SASH1: variants seen among roughly 807,000 people sequenced by gnomAD.
The protein encoded by SASH1 is SAM and SH3 domain containing 1, also known as SAM and SH3 domain-containing protein 1.
SASH1 carries 44 observed loss-of-function variants against 125.2 expected under a neutral mutation model. That is an observed-to-expected ratio of 0.35 (90% CI 0.28 to 0.45). SASH1 has a LOEUF of 0.45. Among genes scored for constraint, SASH1 ranks in the 20% least tolerant of loss-of-function variants. SASH1 has a pLI of 1.00. For missense variants in SASH1, 1,426 were observed against 1,614.5 expected, an observed-to-expected ratio of 0.88 and a Z score of 2.00; for synonymous variants, 639 against 649.1, an observed-to-expected ratio of 0.98 and a Z score of 0.24.
intron 2 of SASH1, among the ~76,000 whole-genome samples, chr6:148,393,072 G>A (rs1164830356): frequency 1.6e-5 from 2 of 121,706 alleles, no homozygotes; most frequent in African/African-American, 3.2e-5. Flanking sequence ...TTGAGATGGA[G>A]TTTCCCTCCT....
At chr6:148,362,717 G>C (rs931569875) in intron 1 of SASH1, among the ~76,000 whole-genome samples, 2 of 151,964 alleles carry the variant, frequency 1.3e-5, no homozygotes, top group African/African-American at 4.8e-5. Context: ...GTGTGGTGGC[G>C]TGTGACTGTA....
At chr6:148,538,397 A>G (rs994173975) in intron 16 of SASH1, among the ~76,000 whole-genome samples, 2 of 152,182 alleles carry the variant, frequency 1.3e-5, no homozygotes, top group African/African-American at 2.4e-5. Context: ...CCCTCATTTT[A>G]TAAGTATCAT....
At chr6:148,464,208 G>A (rs987425198) in intron 4 of SASH1, among the ~76,000 whole-genome samples, 5 of 152,154 alleles carry the variant, frequency 3.3e-5, no homozygotes, top group African/African-American at 1.2e-4. Context: ...TAGGGATCTT[G>A]AGGAAAAATG....
chr6:148,241,182 G>C, the SASH1 span, among the ~76,000 whole-genome samples: 2 of 152,180 alleles, frequency 1.3e-5, no homozygotes. Context: ...CCCCATTAAA[G>C]ATTGCTTTTA....
intron 1 of SASH1, among the ~76,000 whole-genome samples, chr6:148,362,128 C>CAT (rs1562351836): frequency 7.3e-5 from 11 of 150,874 alleles, no homozygotes; most frequent in South Asian, 2.1e-4. Context: ...GGGGTTTCTC[C>CAT]GTGTTAGCCA....
upstream of SASH1, among the ~76,000 whole-genome samples, chr6:148,269,385 A>G (rs1779010175): frequency 6.6e-6 from 1 of 151,852 alleles, no homozygotes; most frequent in Admixed American, 6.6e-5. Context: ...TCCTCCCACC[A>G]CCATTTCCCA....
intron 2 of SASH1, among the ~76,000 whole-genome samples, chr6:148,416,268 C>G (rs1451193758): frequency 6.6e-6 from 1 of 152,140 alleles, no homozygotes; most frequent in East Asian, 1.9e-4. Context: ...TTGAGGTTTC[C>G]CTGAAACTTG....
rs148211923 is a variant in SASH1 at position 148,477,645 on chromosome 6, C to T, written c.627+3423C>T. Among the ~76,000 whole-genome samples, 63 of 150,966 alleles carry T rather than the reference C, an allele frequency of 4.2e-4. 1 individual carries two copies. Among genetic ancestry groups the T allele is most frequent in the South Asian group, 2.5e-3 (12 of 4,770 alleles). ...GGTTCAAGTGATTCTCCTGCATCGG[C>T]GTCCCGAATAGCTGGGATCACAGGT... On this transcript the variant is annotated intron_variant, in intron 7 of 19. Coordinates refer to ENST00000367467, the MANE Select transcript of SASH1 (RefSeq NM_015278.5).
intron 8 of SASH1, among the ~76,000 whole-genome samples, chr6:148,494,255 A>G (rs1317689282): frequency 1.3e-5 from 2 of 152,362 alleles, no homozygotes; most frequent in Non-Finnish European, 1.5e-5. Flanking sequence ...ATGTATGAAG[A>G]AAAATGAAAG....
At chr6:148,199,365 T>G in the SASH1 span, among the ~76,000 whole-genome samples, 1 of 144,778 alleles carries the variant, frequency 6.9e-6, no homozygotes, top group Non-Finnish European at 1.5e-5. Flanking sequence ...AGTGCAAGAC[T>G]CCGTCTCAAG....
Position 148,549,599 on chromosome 6 carries a change from G to T in SASH1, c.*1041G>T, listed in dbSNP as rs557680515. Reference sequence around the variant, plus strand: ...GGTCACTGTGAGGCTGCATATTTCAGAAAGATGTCCTTAATAAGGGAAGTC... The same window carrying T: ...GGTCACTGTGAGGCTGCATATTTCATAAAGATGTCCTTAATAAGGGAAGTC... On this transcript the variant is annotated 3_prime_UTR_variant, in exon 20 of 20. Transcript: ENST00000367467. 5.7e-4 allele frequency: 229 copies of T among 398,938 alleles called. 1 individual carries two copies. The highest frequency in any genetic ancestry group is 4.1e-3 in the African/African-American group (200 of 48,710). 24.7% of individuals were successfully genotyped at this position (398,938 alleles called of 1,614,324 possible).
At chr6:148,330,816 C>T (rs889135880) in intron 1 of SASH1, among the ~76,000 whole-genome samples, 1 of 152,134 alleles carries the variant, frequency 6.6e-6, no homozygotes, top group Admixed American at 6.6e-5. Context: ...GAACTCCTGA[C>T]CTCAGGTGAT....
the SASH1 span, among the ~76,000 whole-genome samples, chr6:148,261,630 G>A: frequency 2.0e-5 from 3 of 152,106 alleles, no homozygotes; most frequent in Admixed American, 6.5e-5. Context: ...CAGTCCCAGC[G>A]CCACCAGGGG....
intron 1 of SASH1, among the ~76,000 whole-genome samples, chr6:148,272,783 G>C (rs1333384403): frequency 5.3e-5 from 8 of 152,110 alleles, no homozygotes; most frequent in African/African-American, 1.9e-4. Flanking sequence ...AGGATGTAAC[G>C]ATGTATTTCA....
chr6:148,350,498 A>G (rs73597389), intron 1 of SASH1, among the ~76,000 whole-genome samples: 140 of 152,372 alleles, frequency 9.2e-4, no homozygotes, highest in African/African-American at 3.2e-3. Flanking sequence ...ATGTAGTTCA[A>G]TGCAAATTTA....
intron 1 of SASH1, among the ~76,000 whole-genome samples, chr6:148,349,249 TTTC>T (rs1562340587): frequency 4.4e-5 from 4 of 90,538 alleles, no homozygotes; most frequent in African/African-American, 1.1e-4. Context: ...TTCTTCTTTC[TTTC>T]TTTTTTTTTT....
At chr6:148,341,717 A>G (rs1039081638), upstream of SASH1, among the ~76,000 whole-genome samples, 4 of 152,198 alleles carry the variant, frequency 2.6e-5, no homozygotes, top group South Asian at 8.3e-4. Context: ...ACAATCAACA[A>G]GAAACAGGAG....
chr6:148,382,641 A>G (rs1783189942), intron 1 of SASH1, among the ~76,000 whole-genome samples: 1 of 152,096 alleles, frequency 6.6e-6, no homozygotes, highest in African/African-American at 2.4e-5. Context: ...GAGACCTAGA[A>G]GCAGGTGCTG....
At chr6:148,507,014 G>C (rs372972641) in intron 8 of SASH1, among the ~76,000 whole-genome samples, 2 of 152,186 alleles carry the variant, frequency 1.3e-5, no homozygotes, top group African/African-American at 2.4e-5. Context: ...CATCGCAAAA[G>C]CACCTGGTCC....
Sources: gnomAD v4.1 joint callset for allele counts (sites outside exome capture counted in the v4.1 genomes callset) on GRCh38, gnomAD v4.1.1 for gene constraint, MANE v1.5 for transcripts, NCBI Gene and HGNC (gene_info 2026-07-23, HGNC 2026-07-21) for gene names.